PDE4D: variants seen among roughly 807,000 people sequenced by gnomAD.
PDE4D encodes the protein 3',5'-cyclic-AMP phosphodiesterase 4D.
A neutral mutation model predicts 87.4 loss-of-function variants in PDE4D; 24 were observed. That is an observed-to-expected ratio of 0.27 (90% CI 0.20 to 0.39). The LOEUF (loss-of-function observed/expected upper bound fraction) is 0.39. Among genes scored for constraint, PDE4D ranks in the 10% least tolerant of loss-of-function variants. The pLI is 1.00. For synonymous variants in PDE4D, 384 were observed against 383.2 expected, an observed-to-expected ratio of 1.00 and a Z score of -0.02; for missense variants, 714 against 1,041.0, an observed-to-expected ratio of 0.69 and a Z score of 4.32.
intron 1 of PDE4D, among the ~76,000 whole-genome samples, chr5:59,420,807 T>C (rs1488099331): frequency 1.3e-5 from 2 of 152,040 alleles, no homozygotes. Flanking sequence ...ACCAGTATCA[T>C]ATGAATCATC....
At chr5:60,317,841 T>C (rs1755787085) in intron 1 of PDE4D, among the ~76,000 whole-genome samples, 1 of 152,386 alleles carries the variant, frequency 6.6e-6, no homozygotes, top group African/African-American at 2.4e-5. Context: ...GATTGCACTG[T>C]GGTCTGAAAG....
chr5:60,158,861 G>A (rs896849334), intron 2 of PDE4D, among the ~76,000 whole-genome samples: 2 of 152,182 alleles, frequency 1.3e-5, no homozygotes, highest in Non-Finnish European at 2.9e-5. Flanking sequence ...GAGCCACCGC[G>A]CCAGGCCAAG....
At chr5:59,935,810 T>C (rs922509280) in intron 3 of PDE4D, among the ~76,000 whole-genome samples, 13 of 152,202 alleles carry the variant, frequency 8.5e-5, no homozygotes, top group African/African-American at 3.1e-4. Flanking sequence ...GGCTGCATAG[T>C]ATTCCATGGT....
At chr5:60,072,889 C>A (rs566026522) in intron 2 of PDE4D, among the ~76,000 whole-genome samples, 14 of 152,086 alleles carry the variant, frequency 9.2e-5, no homozygotes, top group Non-Finnish European at 2.1e-4. Flanking sequence ...GTTTTGGATA[C>A]CGTATCCCTG....
intron 1 of PDE4D, among the ~76,000 whole-genome samples, chr5:60,204,235 A>C (rs1338058153): frequency 1.3e-5 from 2 of 151,996 alleles, no homozygotes; most frequent in East Asian, 1.9e-4. Flanking sequence ...TCTGTCATCT[A>C]TCTAATCTAT....
intron 1 of PDE4D, among the ~76,000 whole-genome samples, chr5:59,551,640 A>T (rs1374574391): frequency 6.6e-6 from 1 of 152,038 alleles, no homozygotes; most frequent in East Asian, 1.9e-4. Flanking sequence ...TAATCTCTGG[A>T]ATGGTGTGTT....
At chr5:59,134,968 T>C (rs553075084) in intron 5 of PDE4D, among the ~76,000 whole-genome samples, 1 of 152,344 alleles carries the variant, frequency 6.6e-6, no homozygotes, top group East Asian at 1.9e-4. Context: ...GTTTGGTTTG[T>C]GGCATATTTT....
chr5:59,511,902 T>A (rs1376017298), intron 1 of PDE4D, among the ~76,000 whole-genome samples: 1 of 152,124 alleles, frequency 6.6e-6, no homozygotes, highest in Non-Finnish European at 1.5e-5. Context: ...TTCTGTTCTA[T>A]GGATTCAGCA....
At chr5:59,946,219 G>A (rs1044182908) in intron 3 of PDE4D, among the ~76,000 whole-genome samples, 9 of 152,164 alleles carry the variant, frequency 5.9e-5, no homozygotes, top group Non-Finnish European at 2.9e-5. Flanking sequence ...CAAGTGCTGA[G>A]ACTCAGACAA....
At chr5:59,522,644 T>C (rs932547703) in intron 1 of PDE4D, among the ~76,000 whole-genome samples, 4 of 152,224 alleles carry the variant, frequency 2.6e-5, no homozygotes, top group African/African-American at 9.6e-5. Flanking sequence ...TCTTATTAAA[T>C]TGCGAATTCT....
At chr5:59,833,832 T>C (rs1199390413) in intron 1 of PDE4D, among the ~76,000 whole-genome samples, 3 of 152,090 alleles carry the variant, frequency 2.0e-5, no homozygotes, top group Non-Finnish European at 4.4e-5. Flanking sequence ...ATGCATATGA[T>C]AAACATAGAT....
chr5:59,498,466 A>G (rs1807629051), intron 1 of PDE4D, among the ~76,000 whole-genome samples: 1 of 151,880 alleles, frequency 6.6e-6, no homozygotes, highest in Non-Finnish European at 1.5e-5. Context: ...TAGTGTTTTA[A>G]CACTCCATTT....
At chr5:59,189,672 G>T (rs1052542032) in intron 3 of PDE4D, among the ~76,000 whole-genome samples, 2 of 152,106 alleles carry the variant, frequency 1.3e-5, no homozygotes, top group Non-Finnish European at 2.9e-5. Context: ...AAGAAAAAAA[G>T]GTCAGTTGCC....
chr5:60,497,186 CAA>C (rs1402864668), intron 1 of PDE4D, among the ~76,000 whole-genome samples: 1 of 152,144 alleles, frequency 6.6e-6, no homozygotes, highest in African/African-American at 2.4e-5. Context: ...ACCTGCCCTC[CAA>C]AAGGTTGTAT....
chr5:59,040,954 T>C (rs2153395812), intron 5 of PDE4D, among the ~76,000 whole-genome samples: 1 of 152,350 alleles, frequency 6.6e-6, no homozygotes, highest in Middle Eastern at 3.4e-3. Flanking sequence ...AAGTAGTTGT[T>C]ACATGTGCCA....
intron 1 of PDE4D, among the ~76,000 whole-genome samples, chr5:60,198,517 A>G (rs1741545239): frequency 6.6e-6 from 1 of 151,670 alleles, no homozygotes; most frequent in Non-Finnish European, 1.5e-5. Flanking sequence ...GTCAGGATCA[A>G]GATAAATGTA....
chr5:60,473,452 C>G (rs1748012749), intron 1 of PDE4D, among the ~76,000 whole-genome samples: 1 of 151,918 alleles, frequency 6.6e-6, no homozygotes, highest in Admixed American at 6.5e-5. Context: ...GAAAAGTGCT[C>G]TTAATAATAT....
intron 1 of PDE4D, among the ~76,000 whole-genome samples, chr5:60,506,311 T>C (rs144889959): frequency 1.4e-3 from 207 of 152,354 alleles, no homozygotes; most frequent in African/African-American, 4.9e-3. Context: ...ATGCATACCC[T>C]ATGTATGCAC....
At chr5:59,944,989 T>C (rs1486269722) in intron 3 of PDE4D, among the ~76,000 whole-genome samples, 3 of 152,222 alleles carry the variant, frequency 2.0e-5, no homozygotes, top group Non-Finnish European at 4.4e-5. Context: ...ACTATACAGT[T>C]ATTTTTAATT....
Sources: gnomAD v4.1 joint callset for allele counts (sites outside exome capture counted in the v4.1 genomes callset) on GRCh38, gnomAD v4.1.1 for gene constraint, MANE v1.5 for transcripts, NCBI Gene and HGNC (gene_info 2026-07-23, HGNC 2026-07-21) for gene names.